MLLT3: variants seen among roughly 807,000 people sequenced by gnomAD.
MLLT3 encodes the protein MLLT3 super elongation complex subunit.
A neutral mutation model predicts 53.2 loss-of-function variants in MLLT3; 4 were observed. The observed-to-expected ratio is 0.08, with a 90% confidence interval of 0.04 to 0.17. The LOEUF is 0.17. Ranked by LOEUF, MLLT3 falls within the 10% of genes least tolerant of loss-of-function variation. The pLI is 1.00. For synonymous variants in MLLT3, 283 were observed against 230.6 expected (o/e 1.23, Z -2.06); for missense variants, 569 against 684.0 (o/e 0.83, Z 1.87).
At chr9:20,589,558 C>T (rs1296256661) in intron 2 of MLLT3, among the ~76,000 whole-genome samples, 5 of 147,222 alleles carry the variant, frequency 3.4e-5, no homozygotes, top group Admixed American at 6.8e-5. Context: ...ACAATGTGCA[C>T]ATGTACCCTA....
chr9:20,591,118 G>A (rs1328648767), intron 2 of MLLT3, among the ~76,000 whole-genome samples: 2 of 152,130 alleles, frequency 1.3e-5, no homozygotes, highest in African/African-American at 4.8e-5. Context: ...ATCAATTTTA[G>A]TATATACCTA....
At chr9:20,360,912 C>G (rs566287900) in intron 7 of MLLT3, 71 bp from the exon 8 acceptor site, 2 of 1,338,486 alleles carry the variant, frequency 1.5e-6, no homozygotes, top group African/African-American at 2.9e-5. Flanking sequence ...TAGAAATAGG[C>G]GTGGAAAGCA....
intron 2 of MLLT3, among the ~76,000 whole-genome samples, chr9:20,552,980 A>T (rs1291178023): frequency 6.6e-6 from 1 of 152,100 alleles, no homozygotes; most frequent in Non-Finnish European, 1.5e-5. Flanking sequence ...AAAACCACAT[A>T]CAAAATTTGT....
At chr9:20,570,077 T>C (rs939700177) in intron 2 of MLLT3, among the ~76,000 whole-genome samples, 1 of 152,226 alleles carries the variant, frequency 6.6e-6, no homozygotes, top group African/African-American at 2.4e-5. Flanking sequence ...TTGCAATTAC[T>C]ATAATTTTAC....
At chr9:20,598,945 C>T (rs1820343959) in intron 2 of MLLT3, among the ~76,000 whole-genome samples, 2 of 152,196 alleles carry the variant, frequency 1.3e-5, no homozygotes, top group Admixed American at 1.3e-4. Context: ...AAGGGAAAAG[C>T]ACAATATTCA....
chr9:20,456,872 C>T, intron 2 of MLLT3, 86 bp from the exon 3 acceptor site: 1 of 993,794 alleles, frequency 1.0e-6, no homozygotes, highest in Non-Finnish European at 1.5e-6. Flanking sequence ...CCCATTCTAC[C>T]ATCTAGATCA....
intron 4 of MLLT3, among the ~76,000 whole-genome samples, chr9:20,422,871 G>C (rs972611518): frequency 1.3e-5 from 2 of 152,210 alleles, no homozygotes; most frequent in East Asian, 1.9e-4. Context: ...TGGTGGCAGC[G>C]GTAATAGCTT....
chr9:20,580,940 C>T (rs10811370), intron 2 of MLLT3, among the ~76,000 whole-genome samples: 63,608 of 152,030 alleles, frequency 0.42, 13,798 homozygotes, highest in Middle Eastern at 0.5. Flanking sequence ...TGTTTTTAAA[C>T]CTACATTATA....
intron 2 of MLLT3, among the ~76,000 whole-genome samples, chr9:20,493,029 T>G (rs1484725957): frequency 6.6e-6 from 1 of 151,942 alleles, no homozygotes; most frequent in African/African-American, 2.4e-5. Context: ...TTTCCATTTT[T>G]TTTTCTACTA....
chr9:20,595,458 C>CTTCA (rs942809307), intron 2 of MLLT3, among the ~76,000 whole-genome samples: 9 of 152,022 alleles, frequency 5.9e-5, no homozygotes, highest in Non-Finnish European at 1.2e-4. Flanking sequence ...TTACCACATA[C>CTTCA]TTCACTAAGT....
chr9:20,430,634 T>C (rs1352553623), intron 4 of MLLT3, among the ~76,000 whole-genome samples: 1 of 152,144 alleles, frequency 6.6e-6, no homozygotes, highest in Non-Finnish European at 1.5e-5. Flanking sequence ...AATATTTCAA[T>C]GTTAGACAAA....
intron 2 of MLLT3, among the ~76,000 whole-genome samples, chr9:20,573,409 A>G (rs182478981): frequency 6.6e-6 from 1 of 152,146 alleles, no homozygotes; most frequent in African/African-American, 2.4e-5. Context: ...CGAACTCCTA[A>G]GCTCAAGGAA....
intron 4 of MLLT3, among the ~76,000 whole-genome samples, chr9:20,441,296 G>C (rs559927117): frequency 1.3e-5 from 2 of 152,264 alleles, no homozygotes; most frequent in African/African-American, 4.8e-5. Context: ...ATCAACGTGT[G>C]TGACTTTAAG....
chr9:20,544,481 G>A (rs1385188841), intron 2 of MLLT3, among the ~76,000 whole-genome samples: 4 of 152,186 alleles, frequency 2.6e-5, no homozygotes, highest in African/African-American at 9.7e-5. Context: ...AGGCATATGA[G>A]AAGATGTTCA....
chr9:20,470,871 T>A (rs937508362), intron 2 of MLLT3, among the ~76,000 whole-genome samples: 1 of 151,972 alleles, frequency 6.6e-6, no homozygotes, highest in South Asian at 2.1e-4. Flanking sequence ...TAAACACATA[T>A]CAAACATTGC....
intron 10 of MLLT3, among the ~76,000 whole-genome samples, chr9:20,351,942 C>T (rs1471043509): frequency 6.6e-6 from 1 of 152,208 alleles, no homozygotes; most frequent in Admixed American, 6.5e-5. Flanking sequence ...TTCAACCGGC[C>T]TGGGAATGCA....
intron 2 of MLLT3, among the ~76,000 whole-genome samples, chr9:20,548,340 G>A (rs149066001): frequency 2.9e-4 from 44 of 152,254 alleles, no homozygotes; most frequent in Admixed American, 2.2e-3. Flanking sequence ...GATGGCTCTC[G>A]TAGTATCTAA....
At chr9:20,415,427 C>A in intron 4 of MLLT3, 1 of 955,680 alleles carries the variant, frequency 1.0e-6, no homozygotes, top group South Asian at 4.8e-5. Context: ...AATCTAAGTC[C>A]ATACTTACCA....
intron 7 of MLLT3, among the ~76,000 whole-genome samples, chr9:20,361,426 G>A (rs1486161323): frequency 5.3e-5 from 8 of 152,250 alleles, no homozygotes; most frequent in Middle Eastern, 3.4e-3. Flanking sequence ...GCCCTGCACC[G>A]CTGACAGCAC....
Sources: allele counts gnomAD v4.1 joint callset (sites outside exome capture counted in the v4.1 genomes callset), GRCh38; gene constraint gnomAD v4.1.1; transcripts MANE v1.5; gene names NCBI Gene and HGNC (gene_info 2026-07-23, HGNC 2026-07-21).